ZDHHC2: variants seen among roughly 807,000 people sequenced by gnomAD.
The protein encoded by ZDHHC2 is palmitoyltransferase ZDHHC2.
A neutral mutation model predicts 55.6 loss-of-function variants in ZDHHC2; 51 were observed. The ratio of observed to expected loss-of-function variants is 0.92; its 90% CI spans 0.73 to 1.16. ZDHHC2 has a LOEUF of 1.16. Ranked by LOEUF, ZDHHC2 falls within the 50% of genes most tolerant of loss-of-function variation. ZDHHC2 has a pLI of 0.00. For synonymous variants in ZDHHC2, 199 were observed against 152.9 expected, an observed-to-expected ratio of 1.30 and a Z score of -2.22; for missense variants, 491 against 442.4, an observed-to-expected ratio of 1.11 and a Z score of -0.99.
chr8:17,210,436 T>C lies in ZDHHC2; in HGVS notation c.906T>C (p.Pro302=). The part of the protein sequence containing the change: ...SFPTCLVNQD[P]EQASTPAGLN... ...CAACTTGCCTTGTTAACCAGGATCC[T>C]GAACAAGCATCTACTCCTGCAGGGC... The change falls in exon 10 of 13, where the codon CCT becomes CCC. Residue 302 remains proline, a synonymous_variant. Coordinates refer to ENST00000262096, the MANE Select transcript of ZDHHC2 (RefSeq NM_016353.5). 1.2e-6 allele frequency: 2 copies of C among 1,613,344 alleles called. No individual in the cohort carries two copies. Among genetic ancestry groups the C allele is most frequent in the Non-Finnish European group, 1.7e-6 (2 of 1,179,542 alleles).
intron 3 of ZDHHC2, among the ~76,000 whole-genome samples, chr8:17,193,026 T>TA (rs1806113725): frequency 6.6e-6 from 1 of 152,308 alleles, no homozygotes; most frequent in Non-Finnish European, 1.5e-5. Context: ...ATGCTAGTCT[T>TA]ACGCCAGTAC....
chr8:17,193,304 G>A (rs995369903), intron 3 of ZDHHC2, among the ~76,000 whole-genome samples: 3 of 152,196 alleles, frequency 2.0e-5, no homozygotes, highest in African/African-American at 7.2e-5. Context: ...CTGCCTTGGT[G>A]GTCTTGGATA....
rs530313445 is a variant in ZDHHC2, at chr8:17,215,372, G to GT, written c.1063+29dup. ...CTGGTAAGGGTGTGCTTGTTTGGCT[G>GT]TTTTTTGACATATTTTATTTTTAGA... On this transcript the variant is annotated intron_variant, in intron 11 of 12. Transcript: ENST00000262096. 329 of 1,536,470 alleles carry GT rather than the reference G, an allele frequency of 2.1e-4. 4 individuals carry two copies. The East Asian group carries it at 4.2e-3, about 19-fold the overall frequency.
intron 1 of ZDHHC2, among the ~76,000 whole-genome samples, chr8:17,157,061 G>T (rs1048664028): frequency 2.0e-5 from 3 of 151,968 alleles, no homozygotes; most frequent in African/African-American, 7.2e-5. Flanking sequence ...CAACTCTCGG[G>T]TTAAGGTGGC....
chr8:17,199,526 C>CGTCTTCT lies in ZDHHC2; in HGVS notation c.476+1120_476+1126dup, dbSNP rs763059476. ...TCTTCTTCTTCTTCGTCTTCGTCTT[C>CGTCTTCT]GTCTTCTGTCTTCGTCTTCTGTCTT... On this transcript the variant is annotated intron_variant, in intron 6 of 12. Transcript: ENST00000262096. Among the ~76,000 whole-genome samples, 19 of 35,352 alleles carry CGTCTTCT rather than the reference C, an allele frequency of 5.4e-4. No individual in the cohort carries two copies. In the East Asian group the frequency reaches 5.6e-3, roughly 10 times the overall value. 23.2% of individuals were successfully genotyped at this position (35,352 alleles called of 152,430 possible).
chr8:17,204,778 A>G (rs1216271466), intron 6 of ZDHHC2, among the ~76,000 whole-genome samples: 3 of 152,238 alleles, frequency 2.0e-5, no homozygotes, highest in Non-Finnish European at 4.4e-5. Context: ...TTACCTGTCT[A>G]ACAAACCTGC....
rs888595814 is a variant in ZDHHC2 at position 17,190,061 on chromosome 8, G to T, written c.252+3636G>T. 2.6e-5 allele frequency among the ~76,000 whole-genome samples: 4 copies of T among 152,086 alleles called. No homozygotes were observed. The South Asian group carries it at 6.2e-4, about 24-fold the overall frequency. ...GCCCAGGACTTCAATTGAAGCATGG[G>T]GGAAAAATAGCAAAAATTTTTTTAC... is the stretch of plus-strand genomic sequence containing the variant. On this transcript the variant is annotated intron_variant, in intron 3 of 12. Transcript: ENST00000262096.
Position 17,215,356 on chromosome 8 carries a change from G to T in ZDHHC2, c.1063+7G>T. On this transcript the variant is annotated splice_region_variant and intron_variant, in intron 11 of 12. Coordinates refer to ENST00000262096, the MANE Select transcript of ZDHHC2 (RefSeq NM_016353.5). ...CCAGGAAAATGCAAAGCTGGTAAGG[G>T]TGTGCTTGTTTGGCTGTTTTTTGAC... The T allele has an allele frequency of 6.4e-7, 1 of 1,566,600 alleles. No individual in the cohort carries two copies. The highest frequency in any genetic ancestry group is 8.7e-7 in the Non-Finnish European group (1 of 1,154,808).
chr8:17,207,164 T>C (rs1267358228), intron 7 of ZDHHC2, among the ~76,000 whole-genome samples: 1 of 152,178 alleles, frequency 6.6e-6, no homozygotes. Context: ...CCGGTGTCAT[T>C]TGGTCAGGGA....
chr8:17,170,611 C>A (rs1052770587), intron 1 of ZDHHC2, among the ~76,000 whole-genome samples: 7 of 152,106 alleles, frequency 4.6e-5, no homozygotes, highest in Non-Finnish European at 1.0e-4. Context: ...TGCCTGTTTC[C>A]TTGGAGATGC....
intron 1 of ZDHHC2, among the ~76,000 whole-genome samples, chr8:17,163,337 G>A (rs530607145): frequency 1.3e-5 from 2 of 152,274 alleles, no homozygotes; most frequent in South Asian, 2.1e-4. Context: ...AGGTGGTTGC[G>A]CCCACATCTC....
At chr8:17,200,368 C>G (rs913506317) in intron 6 of ZDHHC2, among the ~76,000 whole-genome samples, 5 of 152,360 alleles carry the variant, frequency 3.3e-5, no homozygotes, top group African/African-American at 7.2e-5. Context: ...CTTCCTGTCT[C>G]AAATGAACTG....
At chr8:17,175,842 A>G (rs1805100057) in intron 1 of ZDHHC2, among the ~76,000 whole-genome samples, 1 of 152,206 alleles carries the variant, frequency 6.6e-6, no homozygotes, top group Admixed American at 6.5e-5. Context: ...TGGTATTTAA[A>G]CTGCACCCTG....
At chr8:17,157,714 C>T (rs1036400200) in intron 1 of ZDHHC2, 5 of 152,136 alleles carry the variant, frequency 3.3e-5, no homozygotes, top group African/African-American at 1.2e-4. Context: ...TCTGGGTTAT[C>T]AGAAAAAGAT....
At chr8:17,158,497 T>C (rs142571730) in intron 1 of ZDHHC2, among the ~76,000 whole-genome samples, 8 of 152,364 alleles carry the variant, frequency 5.3e-5, no homozygotes, top group African/African-American at 1.2e-4. Context: ...AGAGCTCTTC[T>C]GCCCGTTAGA....
At chr8:17,206,620 AT>A (rs1482584960) in intron 7 of ZDHHC2, among the ~76,000 whole-genome samples, 1 of 152,186 alleles carries the variant, frequency 6.6e-6, no homozygotes, top group African/African-American at 2.4e-5. Flanking sequence ...TAATGTCCTT[AT>A]GCCTATAATA....
At chr8:17,199,589 T>TCTTTGTC (rs1563161574) in intron 6 of ZDHHC2, among the ~76,000 whole-genome samples, 3 of 45,894 alleles carry the variant, frequency 6.5e-5, no homozygotes, top group African/African-American at 1.4e-4. Context: ...CTTCTTCTTC[T>TCTTTGTC]TTCTTCTTCT....
chr8:17,185,739 G>A (rs75453952), intron 2 of ZDHHC2, among the ~76,000 whole-genome samples: 10,233 of 152,194 alleles, frequency 0.067, 1,169 homozygotes, highest in African/African-American at 0.23. Context: ...GTGTTTATAT[G>A]CATTACTGAA....
chr8:17,159,451 G>T (rs1804222840), intron 1 of ZDHHC2, among the ~76,000 whole-genome samples: 2 of 152,126 alleles, frequency 1.3e-5, no homozygotes, highest in African/African-American at 4.8e-5. Flanking sequence ...GGATGACCCT[G>T]AATATAAATT....
Sources: gnomAD v4.1 joint callset for allele counts (sites outside exome capture counted in the v4.1 genomes callset) on GRCh38, gnomAD v4.1.1 for gene constraint, MANE v1.5 for transcripts, NCBI Gene and HGNC (gene_info 2026-07-23, HGNC 2026-07-21) for gene names.